Variants in FABP6 observed in about 807,000 individuals in gnomAD.
The protein encoded by FABP6 is gastrotropin.
Under a neutral mutation model 14.9 loss-of-function variants are expected in FABP6, and 13 were observed. The ratio of observed to expected loss-of-function variants is 0.87; its 90% CI spans 0.57 to 1.39. The LOEUF (loss-of-function observed/expected upper bound fraction) is 1.39, where lower values mean the gene tolerates loss of function less well. FABP6 is among the 40% of genes most tolerant of loss of function. FABP6 has a pLI of 0.00. For missense variants in FABP6, 161 were observed against 167.2 expected (o/e 0.96, Z 0.20); for synonymous variants, 75 against 63.6 (o/e 1.18, Z -0.85).
intron 2 of FABP6, among the ~76,000 whole-genome samples, chr5:160,208,392 C>A (rs541171436): frequency 6.6e-6 from 1 of 151,958 alleles, no homozygotes; most frequent in Non-Finnish European, 1.5e-5. Flanking sequence ...GAGCTAAAAT[C>A]ATGCCACTGC....
At chr5:160,201,710 G>C (rs1242532493) in intron 2 of FABP6, among the ~76,000 whole-genome samples, 2 of 139,838 alleles carry the variant, frequency 1.4e-5, no homozygotes, top group African/African-American at 5.1e-5. Flanking sequence ...GAAGCCACCT[G>C]TCCTGTTTTC....
intron 2 of FABP6, among the ~76,000 whole-genome samples, chr5:160,201,142 G>T (rs1279318995): frequency 4.6e-5 from 7 of 152,032 alleles, no homozygotes; most frequent in Non-Finnish European, 7.4e-5. Flanking sequence ...GATCACTTGA[G>T]CCCAGAAGTT....
At chr5:160,214,091 CTTTCTTTCTT>C (rs1465535554) in intron 3 of FABP6, among the ~76,000 whole-genome samples, 1 of 12,450 alleles carries the variant, frequency 8.0e-5, no homozygotes, top group Non-Finnish European at 1.9e-4. Flanking sequence ...CTGCCTTTCT[CTTTCTTTCTT>C]TCTTTCTTTC....
chr5:160,229,687 G>A (rs1355044407), intron 1 of FABP6, 63 bp downstream of exon 1: 2 of 1,429,058 alleles, frequency 1.4e-6, no homozygotes, highest in Non-Finnish European at 2.0e-6. Context: ...TCTGGGCCAG[G>A]AACCCTAAAG....
intron 2 of FABP6, among the ~76,000 whole-genome samples, chr5:160,234,461 C>G (rs1409485903): frequency 8.5e-6 from 1 of 117,320 alleles, no homozygotes; most frequent in Non-Finnish European, 1.6e-5. Context: ...GAGTCTTGCT[C>G]TGTTGCCCAG....
chr5:160,229,648 T>A (rs755093160), intron 1 of FABP6, 24 bp downstream of exon 1: 1 of 1,610,764 alleles, frequency 6.2e-7, no homozygotes, highest in Non-Finnish European at 8.5e-7. Context: ...TGGGTATCCC[T>A]TCCTCGGGGT....
intron 3 of FABP6, chr5:160,213,849 T>A: frequency 6.4e-7 from 1 of 1,554,150 alleles, no homozygotes; most frequent in Admixed American, 1.7e-5. Flanking sequence ...AGGGAAGGGT[T>A]CCTGACGTTT....
At chr5:160,206,427 C>CA (rs1210142765) in intron 2 of FABP6, among the ~76,000 whole-genome samples, 10 of 149,992 alleles carry the variant, frequency 6.7e-5, no homozygotes, top group Non-Finnish European at 1.0e-4. Flanking sequence ...GACTCTGTCT[C>CA]AAAAAAAACA....
rs761424587 is a variant in FABP6 at position 160,238,625 on chromosome 5, T to C, written c.353T>C (p.Val118Ala). 1 of 1,614,016 alleles carries C rather than the reference T, an allele frequency of 6.2e-7. No individual in the cohort carries two copies. The highest frequency in any genetic ancestry group is 1.1e-5 in the South Asian group (1 of 91,076). ...TTTCAGGTCTCCACCATCGGAGGCG[T>C]GACCTATGAGCGCGTGAGCAAGAGA... ...KLVEVSTIGGVTYERVSKRLA is the reference protein window; with the variant it reads ...KLVEVSTIGGATYERVSKRLA Residue 118 changes from valine to alanine, a missense_variant, in exon 4 of 4, where the codon GTG (valine) becomes GCG (alanine). Val to Ala is a moderately conservative substitution (Grantham distance 64). Coordinates refer to ENST00000402432, the MANE Select transcript of FABP6 (RefSeq NM_001445.3).
chr5:160,202,160 G>A (rs1231398956), intron 2 of FABP6, among the ~76,000 whole-genome samples: 1 of 152,152 alleles, frequency 6.6e-6, no homozygotes, highest in Non-Finnish European at 1.5e-5. Context: ...GCTCTCTACA[G>A]GGGAGATGGA....
chr5:160,215,961 T>C (rs928501409), intron 3 of FABP6, among the ~76,000 whole-genome samples: 4 of 152,100 alleles, frequency 2.6e-5, no homozygotes, highest in African/African-American at 4.8e-5. Flanking sequence ...GTCCTGCAGA[T>C]GGGAGGTAGA....
At chr5:160,216,721 C>T (rs1760020148) in intron 3 of FABP6, among the ~76,000 whole-genome samples, 1 of 152,200 alleles carries the variant, frequency 6.6e-6, no homozygotes, top group Non-Finnish European at 1.5e-5. Flanking sequence ...GACAAGTCAC[C>T]TAACCTTTCT....
chr5:160,202,576 C>A (rs1215080234), intron 2 of FABP6, among the ~76,000 whole-genome samples: 9 of 152,084 alleles, frequency 5.9e-5, no homozygotes, highest in Non-Finnish European at 1.0e-4. Context: ...GCAGGCAAAT[C>A]ACGAGGTCAG....
upstream of FABP6, chr5:160,229,482 A>G: frequency 6.2e-7 from 1 of 1,608,080 alleles, no homozygotes; most frequent in Non-Finnish European, 8.5e-7. Context: ...AGAGTTTATA[A>G]GCTGGGATAG....
chr5:160,220,531 C>G (rs1333151348), intron 3 of FABP6, among the ~76,000 whole-genome samples: 2 of 151,736 alleles, frequency 1.3e-5, no homozygotes, highest in Admixed American at 1.3e-4. Context: ...ATCTCTTGAG[C>G]CTGTGAGGCT....
chr5:160,194,939 T>C (rs184694841), intron 1 of FABP6, among the ~76,000 whole-genome samples: 1 of 152,350 alleles, frequency 6.6e-6, no homozygotes, highest in East Asian at 1.9e-4. Context: ...GAATATTTGT[T>C]GTCTGAATGA....
At chr5:160,199,167 T>A (rs531102670) in intron 2 of FABP6, 14 of 1,613,922 alleles carry the variant, frequency 8.7e-6, no homozygotes, top group African/African-American at 1.3e-5. Context: ...GGTAGCTCCG[T>A]GAAGCTGGAA....
chr5:160,193,740 G>A (rs943497546), intron 1 of FABP6, among the ~76,000 whole-genome samples: 2 of 152,170 alleles, frequency 1.3e-5, no homozygotes, highest in Non-Finnish European at 2.9e-5. Flanking sequence ...CCTTGAGCTA[G>A]ATAGAGAGTG....
chr5:160,238,244 A>G (rs1404155173), intron 3 of FABP6, among the ~76,000 whole-genome samples: 1 of 152,174 alleles, frequency 6.6e-6, no homozygotes, highest in Non-Finnish European at 1.5e-5. Context: ...CCTTGGAAGG[A>G]TTACTTGACT....
Sources: gnomAD v4.1 joint callset for allele counts (sites outside exome capture counted in the v4.1 genomes callset) on GRCh38, gnomAD v4.1.1 for gene constraint, MANE v1.5 for transcripts, NCBI Gene and HGNC (gene_info 2026-07-23, HGNC 2026-07-21) for gene names.